CNTNAP4: variants seen among roughly 807,000 people sequenced by gnomAD.
CNTNAP4 encodes contactin-associated protein-like 4.
CNTNAP4 carries 98 observed loss-of-function variants against 148.4 expected under a neutral mutation model. The ratio of observed to expected loss-of-function variants is 0.66; its 90% CI spans 0.56 to 0.78. The LOEUF is 0.78. Among genes scored for constraint, CNTNAP4 ranks in the 30% least tolerant of loss-of-function variants. The pLI is 0.00. For synonymous variants in CNTNAP4, 730 were observed against 565.1 expected, an observed-to-expected ratio of 1.29 and a Z score of -4.14; for missense variants, 1,935 against 1,565.6, an observed-to-expected ratio of 1.24 and a Z score of -3.98.
At chr16:76,498,289 G>C (rs570044714) in intron 14 of CNTNAP4, among the ~76,000 whole-genome samples, 82 of 152,310 alleles carry the variant, frequency 5.4e-4, no homozygotes, top group African/African-American at 1.9e-3. Flanking sequence ...CTACTTGGGA[G>C]GCTGAGGCAC....
chr16:76,451,672 A>AAACTG (rs1260166094), intron 7 of CNTNAP4, among the ~76,000 whole-genome samples: 1 of 147,852 alleles, frequency 6.8e-6, no homozygotes, highest in East Asian at 2.0e-4. Flanking sequence ...AACTGCAAGG[A>AAACTG]CCATTCACTC....
rs1345951316 is a variant in CNTNAP4 at position 76,506,054 on chromosome 16, A to G, written c.2365+7360A>G. Among the ~76,000 whole-genome samples, 5 of 97,760 alleles carry G rather than the reference A, an allele frequency of 5.1e-5. 2 individuals are homozygous for G. The allele number at this position is 97,760 out of a possible 152,430, so 64.1% of individuals were successfully genotyped here. On this transcript the variant is annotated intron_variant, in intron 15 of 23. Coordinates refer to ENST00000611870, the MANE Select transcript of CNTNAP4 (RefSeq NM_033401.5). ...CTGAATATGTTTCTAACTTATATTG[A>G]CTTTAGAAACTTTAGAAAAAGAGTC...
chr16:76,436,896 G>T (rs1406563729), intron 4 of CNTNAP4, among the ~76,000 whole-genome samples: 2 of 151,974 alleles, frequency 1.3e-5, no homozygotes, highest in East Asian at 1.9e-4. Context: ...TTAATATTCT[G>T]TTCCTGTAGA....
In CNTNAP4 at chr16:76,558,772, T is replaced by G. The variant is rs924927191; in HGVS notation, c.*89T>G. ...GAAAAACGAATGCTCTTACACTGAA[T>G]GTACAGGCAGTGGGCTTGCAGCACT... On this transcript the variant is annotated 3_prime_UTR_variant, in exon 24 of 24. Transcript: ENST00000611870. 9.9e-7 allele frequency: 1 copy of G among 1,012,084 alleles called. No individual in the cohort carries two copies. The highest frequency in any genetic ancestry group is 1.4e-6 in the Non-Finnish European group (1 of 700,838). The allele number at this position is 1,012,084 out of a possible 1,614,324, so 62.7% of individuals were successfully genotyped here.
intron 3 of CNTNAP4, among the ~76,000 whole-genome samples, chr16:76,412,812 C>T (rs2078844589): frequency 6.6e-6 from 1 of 151,356 alleles, no homozygotes; most frequent in African/African-American, 2.4e-5. Flanking sequence ...TGTATTCTGA[C>T]ATCAGTTTCC....
At chr16:76,528,263 A>T (rs931576550) in intron 17 of CNTNAP4, among the ~76,000 whole-genome samples, 2 of 152,076 alleles carry the variant, frequency 1.3e-5, no homozygotes, top group Non-Finnish European at 2.9e-5. Context: ...TGAGATTAAC[A>T]TTTTTTAAAA....
rs202096545 is a variant in CNTNAP4 at position 76,321,790 on chromosome 16, A to G, written c.196+5267A>G. 4.7e-3 allele frequency among the ~76,000 whole-genome samples: 522 copies of G among 110,532 alleles called. 9 individuals carry two copies. The East Asian group carries it at 0.25, about 52-fold the overall frequency. The allele number at this position is 110,532 out of a possible 152,430, so 72.5% of individuals were successfully genotyped here. On this transcript the variant is annotated intron_variant, in intron 2 of 23. Transcript: ENST00000611870. The stretch of plus-strand genomic sequence containing the variant: ...GTGACAGAGCGTGACTCAGTCTCAA[A>G]AAAAAAAAAAAAAAAAACTTTATAA...
chr16:76,331,905 G>T (rs1243336551), intron 2 of CNTNAP4, among the ~76,000 whole-genome samples: 3 of 152,078 alleles, frequency 2.0e-5, no homozygotes, highest in Non-Finnish European at 2.9e-5. Context: ...AGGCCTACAG[G>T]CAATAAACTC....
At chr16:76,403,438 T>G (rs80088959) in intron 3 of CNTNAP4, among the ~76,000 whole-genome samples, 6,294 of 152,178 alleles carry the variant, frequency 0.041, 459 homozygotes, top group African/African-American at 0.15. Context: ...AACAAGCATA[T>G]GAAGAAAATC....
At chr16:76,479,205 A>G (rs1176523184) in intron 11 of CNTNAP4, among the ~76,000 whole-genome samples, 1 of 152,146 alleles carries the variant, frequency 6.6e-6, no homozygotes, top group Non-Finnish European at 1.5e-5. Context: ...GATTAAAAAA[A>G]GTCATAAAAT....
rs748300485 is a variant in CNTNAP4, at chr16:76,489,802, C to A, written c.1999C>A (p.Gln667Lys). The A allele has an allele frequency of 3.9e-5, 62 of 1,606,972 alleles. No individual in the cohort carries two copies. Among genetic ancestry groups the A allele is most frequent in the Non-Finnish European group, 5.2e-5 (61 of 1,176,548 alleles). The change falls in exon 13 of 24, where the codon CAG becomes AAG. Residue 667 changes from glutamine to lysine, a missense_variant. By Grantham distance (53) the Gln-to-Lys change is moderately conservative (BLOSUM62 1). Transcript: ENST00000611870. The part of the protein sequence containing the change: ...FEYVASMEQL[Q>K]ATINRAEHCE... ...GTATGTGGCCAGCATGGAGCAACTT[C>A]AGGCCACTATTAACCGTGCAGAGCA...
chr16:76,299,178 C>T (rs1166142688), intron 1 of CNTNAP4, among the ~76,000 whole-genome samples: 1 of 152,088 alleles, frequency 6.6e-6, no homozygotes, highest in African/African-American at 2.4e-5. Context: ...AGCTTCTGCA[C>T]AGCAAAAGAA....
At chr16:76,380,246 G>A (rs562863618) in intron 3 of CNTNAP4, among the ~76,000 whole-genome samples, 12 of 152,270 alleles carry the variant, frequency 7.9e-5, no homozygotes, top group African/African-American at 2.6e-4. Context: ...TGGAAATCAG[G>A]TGAAGTTGAA....
intron 2 of CNTNAP4, among the ~76,000 whole-genome samples, chr16:76,324,535 A>G (rs563343261): frequency 6.6e-6 from 1 of 152,340 alleles, no homozygotes; most frequent in East Asian, 1.9e-4. Context: ...ATAATTTCAG[A>G]AATCTCAGGC....
At chr16:76,443,460 C>A (rs573968022) in intron 4 of CNTNAP4, among the ~76,000 whole-genome samples, 10 of 152,224 alleles carry the variant, frequency 6.6e-5, no homozygotes, top group Admixed American at 5.2e-4. Context: ...TGGCAAATTC[C>A]TGTAGTCTCA....
chr16:76,482,432 ATT>A (rs57722242), intron 12 of CNTNAP4, among the ~76,000 whole-genome samples: 2 of 130,704 alleles, frequency 1.5e-5, no homozygotes, highest in Non-Finnish European at 1.7e-5. Context: ...GTTTTACACA[ATT>A]TTTTTTTTTT....
chr16:76,496,505 C>T (rs967353628), intron 14 of CNTNAP4, among the ~76,000 whole-genome samples: 3 of 152,056 alleles, frequency 2.0e-5, no homozygotes, highest in Non-Finnish European at 4.4e-5. Flanking sequence ...AGAAAAACAA[C>T]TACTTGAAAT....
chr16:76,358,115 C>G (rs1236044645), intron 3 of CNTNAP4, among the ~76,000 whole-genome samples: 1 of 152,190 alleles, frequency 6.6e-6, no homozygotes, highest in East Asian at 1.9e-4. Flanking sequence ...GGAAGGATCA[C>G]TTGAGGCCAG....
At chr16:76,289,952 C>T (rs1208745512) in intron 1 of CNTNAP4, among the ~76,000 whole-genome samples, 1 of 152,096 alleles carries the variant, frequency 6.6e-6, no homozygotes, top group Non-Finnish European at 1.5e-5. Context: ...ATTCTGCTCA[C>T]GTTTCATCCT....
Sources: allele counts gnomAD v4.1 joint callset (sites outside exome capture counted in the v4.1 genomes callset), GRCh38; gene constraint gnomAD v4.1.1; transcripts MANE v1.5; gene names NCBI Gene and HGNC (gene_info 2026-07-23, HGNC 2026-07-21).